The following DGKD variants were observed in gnomAD, a reference collection of about 807,000 sequenced individuals.
DGKD encodes diacylglycerol kinase delta, also known as DAG kinase delta.
DGKD carries 68 observed loss-of-function variants against 154.4 expected under a neutral mutation model. The observed-to-expected ratio is 0.44, with a 90% CI of 0.36 to 0.54. The LOEUF (loss-of-function observed/expected upper bound fraction) is 0.54. DGKD is among the 20% of genes least tolerant of loss of function. DGKD has a pLI of 0.00. For synonymous variants in DGKD, 693 were observed against 638.0 expected (o/e 1.09, Z -1.30); for missense variants, 1,343 against 1,593.6 (o/e 0.84, Z 2.68).
chr2:233,431,796 A>T (rs1410500416), intron 3 of DGKD, among the ~76,000 whole-genome samples: 1 of 152,252 alleles, frequency 6.6e-6, no homozygotes, highest in Non-Finnish European at 1.5e-5. Flanking sequence ...CTAGACTCCC[A>T]TTTATTGCCA....
intron 29 of DGKD, 54 bp downstream of exon 29, chr2:233,468,607 C>G: frequency 1.2e-6 from 2 of 1,606,670 alleles, no homozygotes. Flanking sequence ...ACGCAGCTCC[C>G]TTCTCTTCCA....
chr2:233,448,570 C>T (rs951454309), intron 14 of DGKD, among the ~76,000 whole-genome samples, 195 bp downstream of exon 14: 2 of 152,228 alleles, frequency 1.3e-5, no homozygotes, highest in African/African-American at 4.8e-5. Flanking sequence ...AATGAAAGTA[C>T]ACTCCACACT....
intron 17 of DGKD, among the ~76,000 whole-genome samples, 155 bp downstream of exon 17, chr2:233,451,205 CTT>C (rs3214825): frequency 2.2e-4 from 31 of 142,344 alleles, no homozygotes; most frequent in African/African-American, 5.2e-4. Flanking sequence ...ATGAAAAGTG[CTT>C]TTTTTTTTTT....
At chr2:233,404,265 C>T (rs2061627975) in intron 3 of DGKD, among the ~76,000 whole-genome samples, 1 of 151,174 alleles carries the variant, frequency 6.6e-6, no homozygotes, top group Admixed American at 6.6e-5. Flanking sequence ...ATCAGTTAAA[C>T]TTTATTTGCT....
intron 26 of DGKD, chr2:233,463,771 G>A (rs879042646): frequency 3.3e-4 from 78 of 237,016 alleles, no homozygotes; most frequent in East Asian, 2.0e-4. Context: ...CCCACGTCCC[G>A]TGGTCACACG....
intron 26 of DGKD, among the ~76,000 whole-genome samples, chr2:233,462,964 TGTC>T (rs1384608890): frequency 1.3e-5 from 2 of 152,204 alleles, no homozygotes; most frequent in Admixed American, 1.3e-4. Context: ...GAAACACCCT[TGTC>T]GTCGTGGACA....
chr2:233,383,373 A>C lies in DGKD; in HGVS notation c.157-4884A>C, dbSNP rs139141442. On this transcript the variant is annotated intron_variant, in intron 1 of 29. Transcript: ENST00000264057. ...TGGGAGTTTCTGCTATATTCTGGTT[A>C]CTGGTTACTGACTGGCTGTCAGCAG... is the stretch of plus-strand genomic sequence containing the variant. 2.4e-4 allele frequency among the ~76,000 whole-genome samples: 36 copies of C among 152,282 alleles called. No homozygotes were observed. In the East Asian group the frequency reaches 3.3e-3, roughly 14 times the overall value.
In DGKD at chr2:233,469,379, C is replaced by T. The variant is rs1024966100; in HGVS notation, c.3564C>T (p.Gly1188=). The T allele has an allele frequency of 8.7e-6, 14 of 1,611,498 alleles. No individual in the cohort carries two copies. In the South Asian group the frequency reaches 1.2e-4, roughly 14 times the overall value. The change falls in exon 30 of 30, where the codon GGC becomes GGT. Residue 1188 remains glycine, a synonymous_variant. Transcript: ENST00000264057. ...HLERRDLKDL[G]VTKVGHMKRI... ...TGTCTTCTCTGTTGCAGGACCTGGG[C>T]GTGACCAAGGTGGGCCACATGAAGA...
At chr2:233,397,889 A>AG (rs2061459043) in intron 3 of DGKD, among the ~76,000 whole-genome samples, 1 of 151,468 alleles carries the variant, frequency 6.6e-6, no homozygotes, top group Non-Finnish European at 1.5e-5. Context: ...GTACAGCAGC[A>AG]GGCTGGTTAA....
At chr2:233,461,264 C>G (rs941486928) in intron 24 of DGKD, among the ~76,000 whole-genome samples, 5 of 152,356 alleles carry the variant, frequency 3.3e-5, no homozygotes, top group Admixed American at 6.5e-5. Flanking sequence ...CCTGGTGTCC[C>G]TTTCTTGTTT....
At chr2:233,378,905 C>G (rs1211548128) in intron 1 of DGKD, among the ~76,000 whole-genome samples, 1 of 152,234 alleles carries the variant, frequency 6.6e-6, no homozygotes, top group Non-Finnish European at 1.5e-5. Context: ...AACAAGCGCA[C>G]CTGTAGTCCT....
Position 233,459,901 on chromosome 2 carries a change from G to A in DGKD, c.2829+10G>A. The A allele has an allele frequency of 1.2e-6, 2 of 1,612,330 alleles. No homozygotes were observed. Among genetic ancestry groups the A allele is most frequent in the Non-Finnish European group, 1.7e-6 (2 of 1,179,022 alleles). ...ACTGACCAGAGACAGGGTAAGAGCG[G>A]CTGCCCGCGGTACCTGGGTGGGGTA... On this transcript the variant is annotated intron_variant, in intron 23 of 29. Coordinates refer to ENST00000264057, the MANE Select transcript of DGKD (RefSeq NM_152879.3). The surrounding 1 kb of genome is among the most constrained non-coding windows in gnomAD (Gnocchi z 5.7).
chr2:233,449,914 C>G lies in DGKD; in HGVS notation c.1889-68C>G. On this transcript the variant is annotated intron_variant, in intron 15 of 29. Transcript: ENST00000264057. The surrounding 1 kb of genome is among the most constrained non-coding windows in gnomAD (Gnocchi z 5.3). ...CCGTGGGGTGAGGATGAGGGGCCCT[C>G]CACCCAGCCTGACAGCGCCCTTGGC... 1 of 1,505,066 alleles carries G rather than the reference C, an allele frequency of 6.6e-7. No individual in the cohort carries two copies. The highest frequency in any genetic ancestry group is 8.9e-7 in the Non-Finnish European group (1 of 1,123,912). 93.2% of individuals were successfully genotyped at this position (1,505,066 alleles called of 1,614,324 possible). A position where few individuals can be genotyped will look rare whatever the true frequency, so the allele number is the denominator to read the frequency against.
At chr2:233,462,781 A>T in intron 26 of DGKD, 46 bp downstream of exon 26, 1 of 1,547,798 alleles carries the variant, frequency 6.5e-7, no homozygotes, top group East Asian at 2.2e-5. Context: ...TGTGTGTGAA[A>T]CGACTGCTGT....
rs568105444 is a variant in DGKD at position 233,438,780 on chromosome 2, A to G, written c.1085+401A>G. ...CATCTATCTATCTATCTATCTATCT[A>G]TCTATCTATCTATCTATCTATCTAT... On this transcript the variant is annotated intron_variant, in intron 9 of 29. Coordinates refer to ENST00000264057, the MANE Select transcript of DGKD (RefSeq NM_152879.3). The surrounding 1 kb of genome is among the most constrained non-coding windows in gnomAD (Gnocchi z 4.1). Among the ~76,000 whole-genome samples the G allele has an allele frequency of 1.1e-4, 13 of 119,540 alleles. No homozygotes were observed. The highest frequency in any genetic ancestry group is 2.9e-4 in the South Asian group (1 of 3,480). The allele number at this position is 119,540 out of a possible 152,430, so 78.4% of individuals were successfully genotyped here.
Position 233,464,237 on chromosome 2 carries a change from C to T in DGKD, c.3260C>T (p.Ala1087Val), listed in dbSNP as rs773408694. The T allele has an allele frequency of 1.2e-6, 2 of 1,613,642 alleles. No individual in the cohort carries two copies. Among genetic ancestry groups the T allele is most frequent in the East Asian group, 2.2e-5 (1 of 44,866 alleles). ...ATGGACCGACAGCTCAGGAGGCTGGCAGACACCCCGTGGCTCTGCCAGTCC... is the reference window on the plus strand; with the variant it reads ...ATGGACCGACAGCTCAGGAGGCTGGTAGACACCCCGTGGCTCTGCCAGTCC... ...AEMDRQLRRLADTPWLCQSAE... is the reference protein window; with the variant it reads ...AEMDRQLRRLVDTPWLCQSAE... The change falls in exon 27 of 30, where the codon GCA becomes GTA. Residue 1087 changes from alanine to valine, a missense_variant. Ala to Val is a moderately conservative substitution (Grantham distance 64). Coordinates refer to ENST00000264057, the MANE Select transcript of DGKD (RefSeq NM_152879.3).
intron 3 of DGKD, among the ~76,000 whole-genome samples, chr2:233,418,928 G>C (rs567260801): frequency 1.3e-5 from 2 of 152,336 alleles, no homozygotes; most frequent in African/African-American, 4.8e-5. Flanking sequence ...GGAACTCCAA[G>C]AGCTTGTTTG....
At position 233,438,398 on chromosome 2, in the gene DGKD, A is replaced by G. The variant is rs59458664; in HGVS notation, c.1085+19A>G. On this transcript the variant is annotated intron_variant, in intron 9 of 29. Transcript: ENST00000264057. The surrounding 1 kb of genome is among the most constrained non-coding windows in gnomAD (Gnocchi z 4.1). Reference sequence around the variant, plus strand: ...ACCTCGGGTAGGAAGCTTGTAAAATATATCTTTCTTGGAGTTTTAAAAATT... The same window carrying G: ...ACCTCGGGTAGGAAGCTTGTAAAATGTATCTTTCTTGGAGTTTTAAAAATT... The G allele has an allele frequency of 0.081, 128,748 of 1,594,586 alleles. 6,553 individuals carry two copies. Among genetic ancestry groups the G allele is most frequent in the African/African-American group, 0.24 (17,743 of 73,982 alleles).
chr2:233,382,212 C>T (rs912934729), intron 1 of DGKD, among the ~76,000 whole-genome samples: 8 of 152,042 alleles, frequency 5.3e-5, no homozygotes, highest in African/African-American at 1.5e-4. Context: ...CCAGCCTGGG[C>T]GACAGAGCAA....
Sources: gnomAD v4.1 joint callset for allele counts (sites outside exome capture counted in the v4.1 genomes callset) on GRCh38, gnomAD v4.1.1 for gene constraint, Gnocchi (gnomAD v3.1) non-coding constraint, MANE v1.5 for transcripts, NCBI Gene and HGNC (gene_info 2026-07-23, HGNC 2026-07-21) for gene names.